Variants in WWP1 observed in about 807,000 individuals in gnomAD.
WWP1 encodes WW domain containing E3 ubiquitin protein ligase 1.
Under a neutral mutation model 130.6 loss-of-function variants are expected in WWP1, and 49 were observed. That is an observed-to-expected ratio of 0.38 (90% CI 0.30 to 0.48). The LOEUF (loss-of-function observed/expected upper bound fraction) is 0.48, where lower values mean the gene tolerates loss of function less well. WWP1 is among the 20% of genes least tolerant of loss of function. The pLI is 0.99. For missense variants in WWP1, 809 were observed against 1,100.6 expected, an observed-to-expected ratio of 0.74 and a Z score of 3.75; for synonymous variants, 332 against 367.8, an observed-to-expected ratio of 0.90 and a Z score of 1.11.
chr8:86,361,105 A>G (rs530286034), intron 1 of WWP1, among the ~76,000 whole-genome samples: 46 of 152,336 alleles, frequency 3.0e-4, no homozygotes, highest in African/African-American at 9.4e-4. Context: ...ACCTTCATGT[A>G]TCCTGCTTTA....
At position 86,446,923 on chromosome 8, in the gene WWP1, C is replaced by T. The variant is rs576078472; in HGVS notation, c.1999-1225C>T. On this transcript the variant is annotated intron_variant, in intron 18 of 24. Coordinates refer to ENST00000517970, the MANE Select transcript of WWP1 (RefSeq NM_007013.4). ...CTAGTAGTGAGCAGATATAGTAGAA[C>T]ACAAAAGTTTTCTTCTGGTTGCTTC... 3.9e-5 allele frequency among the ~76,000 whole-genome samples: 6 copies of T among 152,268 alleles called. No homozygotes were observed. In the East Asian group the frequency reaches 7.7e-4, roughly 20 times the overall value.
At chr8:86,400,327 C>T (rs1258118292) in intron 7 of WWP1, among the ~76,000 whole-genome samples, 2 of 151,350 alleles carry the variant, frequency 1.3e-5, no homozygotes, top group Admixed American at 6.6e-5. Context: ...AGCAAGACTT[C>T]GTCTCGGGGG....
chr8:86,373,910 C>A, intron 2 of WWP1, 120 bp from the exon 3 acceptor site: 1 of 718,324 alleles, frequency 1.4e-6, no homozygotes, highest in Non-Finnish European at 2.2e-6. Context: ...TGGTAATAGG[C>A]TTGATAATTT....
intron 1 of WWP1, among the ~76,000 whole-genome samples, chr8:86,363,794 CAA>C (rs375454489): frequency 3.3e-4 from 19 of 57,566 alleles, no homozygotes; most frequent in African/African-American, 3.3e-4. Context: ...GACTCCATCT[CAA>C]AAAAAAAAAA....
At chr8:86,435,774 G>T (rs1273312869) in intron 16 of WWP1, 70 bp downstream of exon 16, 3 of 1,502,802 alleles carry the variant, frequency 2.0e-6, no homozygotes, top group East Asian at 2.3e-5. Flanking sequence ...AGAAAGTCAG[G>T]GTTTTAGAGA....
intron 1 of WWP1, among the ~76,000 whole-genome samples, chr8:86,348,206 T>C (rs1445907972): frequency 2.0e-5 from 3 of 152,088 alleles, no homozygotes; most frequent in Non-Finnish European, 4.4e-5. Flanking sequence ...GTTGATTTAG[T>C]CTTGACATTT....
In WWP1 at chr8:86,435,664, A is replaced by G. The variant is rs141471813; in HGVS notation, c.1709A>G (p.Asn570Ser). ...GCACTACCTAGTCATGTAAAGATCA[A>G]TGTGTCCCGGCAGACATTGTTTGAA... ...SNALPSHVKI[N>S]VSRQTLFEDS... The change falls in exon 16 of 25, where the codon AAT (asparagine) becomes AGT (serine). Residue 570 changes from asparagine to serine, a missense_variant. Asn to Ser is a conservative substitution (Grantham distance 46). Coordinates refer to ENST00000517970, the MANE Select transcript of WWP1 (RefSeq NM_007013.4). 9.9e-5 allele frequency: 159 copies of G among 1,612,734 alleles called. No individual in the cohort carries two copies. Among genetic ancestry groups the G allele is most frequent in the Non-Finnish European group, 1.2e-4 (138 of 1,179,850 alleles).
At chr8:86,452,789 T>G in intron 21 of WWP1, 110 bp downstream of exon 21, 1 of 1,352,750 alleles carries the variant, frequency 7.4e-7, no homozygotes. Flanking sequence ...AGCACAATCT[T>G]GAATCCTCTC....
chr8:86,409,784 CG>C (rs1322665410), intron 8 of WWP1, among the ~76,000 whole-genome samples: 1 of 151,656 alleles, frequency 6.6e-6, no homozygotes. Context: ...CGTTTGAACC[CG>C]GGAGGTGGAG....
In WWP1 at chr8:86,352,199, G is replaced by A. The variant is rs112687899; in HGVS notation, c.-115+9269G>A. ...AGTTGGGAGTACAGGTGTGTGCCGC[G>A]ACACCTAGCTAATTTTTTATTTTTA... On this transcript the variant is annotated intron_variant, in intron 1 of 24. Transcript: ENST00000517970. Among the ~76,000 whole-genome samples the A allele has an allele frequency of 5.9e-3, 872 of 148,648 alleles. 3 individuals are homozygous for A. The highest frequency in any genetic ancestry group is 0.02 in the African/African-American group (812 of 41,042).
intron 2 of WWP1, among the ~76,000 whole-genome samples, chr8:86,372,123 A>G (rs1384741230): frequency 1.4e-5 from 2 of 139,268 alleles, no homozygotes; most frequent in Non-Finnish European, 1.5e-5. Flanking sequence ...TCCCGGGTTC[A>G]CGCCATTCTC....
At chr8:86,443,153 A>C (rs1370666200) in intron 18 of WWP1, among the ~76,000 whole-genome samples, 3 of 151,866 alleles carry the variant, frequency 2.0e-5, no homozygotes, top group Non-Finnish European at 4.4e-5. Flanking sequence ...GCTAACTGCA[A>C]CCTCCACCTT....
intron 20 of WWP1, among the ~76,000 whole-genome samples, chr8:86,448,953 C>T (rs1811032293): frequency 6.6e-6 from 1 of 152,124 alleles, no homozygotes; most frequent in African/African-American, 2.4e-5. Flanking sequence ...GCCTTAGTCT[C>T]CTGAGTAGCT....
chr8:86,402,719 C>T (rs1808061393), intron 8 of WWP1, among the ~76,000 whole-genome samples: 1 of 152,138 alleles, frequency 6.6e-6, no homozygotes, highest in African/African-American at 2.4e-5. Flanking sequence ...TTTTAGAGGT[C>T]AGAACTTTTA....
At chr8:86,464,693 T>G (rs1811946326) in intron 24 of WWP1, among the ~76,000 whole-genome samples, 1 of 152,110 alleles carries the variant, frequency 6.6e-6, no homozygotes, top group South Asian at 2.1e-4. Context: ...TTTTTTAATT[T>G]TTTGTAGGGA....
chr8:86,368,000 C>T (rs752831418), intron 1 of WWP1, among the ~76,000 whole-genome samples: 5 of 152,172 alleles, frequency 3.3e-5, no homozygotes, highest in Admixed American at 1.3e-4. Context: ...GGACCTGTTT[C>T]CTCAACTGCA....
At chr8:86,447,113 A>T (rs942326200) in intron 18 of WWP1, among the ~76,000 whole-genome samples, 1 of 152,198 alleles carries the variant, frequency 6.6e-6, no homozygotes, top group Non-Finnish European at 1.5e-5. Flanking sequence ...GATGAAATAC[A>T]ACTGTCGGTC....
chr8:86,368,490 A>G (rs778150675), intron 1 of WWP1, among the ~76,000 whole-genome samples: 2 of 152,128 alleles, frequency 1.3e-5, no homozygotes, highest in Admixed American at 6.5e-5. Context: ...CATGGTGCCA[A>G]TGCTCTAGTT....
intron 1 of WWP1, among the ~76,000 whole-genome samples, chr8:86,355,891 T>G (rs1823225948): frequency 6.6e-6 from 1 of 152,232 alleles, no homozygotes; most frequent in African/African-American, 2.4e-5. Flanking sequence ...TTTTATATTT[T>G]GTTTCTGCAG....
Sources: allele counts gnomAD v4.1 joint callset (sites outside exome capture counted in the v4.1 genomes callset), GRCh38; gene constraint gnomAD v4.1.1; transcripts MANE v1.5; gene names NCBI Gene and HGNC (gene_info 2026-07-23, HGNC 2026-07-21).